GPR19: variants seen among roughly 807,000 people sequenced by gnomAD.
GPR19 encodes G protein-coupled receptor 19.
In GPR19, 14 loss-of-function variants were observed where a neutral mutation model predicts 28.5. The ratio of observed to expected loss-of-function variants is 0.49; its 90% confidence interval spans 0.32 to 0.77. The LOEUF (loss-of-function observed/expected upper bound fraction) is 0.77. GPR19 is among the 30% of genes least tolerant of loss of function. The probability of loss-of-function intolerance (pLI) is 0.03; values close to 1 mark genes in which losing one functional copy is unlikely to be tolerated. For synonymous variants in GPR19, 173 were observed against 184.1 expected (o/e 0.94, Z 0.49); for missense variants, 409 against 504.1 (o/e 0.81, Z 1.81).
the GPR19 span, among the ~76,000 whole-genome samples, chr12:12,706,870 A>G: frequency 6.6e-6 from 1 of 152,210 alleles, no homozygotes; most frequent in African/African-American, 2.4e-5. Flanking sequence ...ACTATAATAC[A>G]TGGTCTCCCT....
intron 2 of GPR19, among the ~76,000 whole-genome samples, chr12:12,690,722 T>C (rs1946167977): frequency 6.6e-6 from 1 of 152,178 alleles, no homozygotes; most frequent in Admixed American, 6.5e-5. Context: ...AGTGACCCAG[T>C]CTCTCAATGT....
chr12:12,713,660 G>T, the GPR19 span, among the ~76,000 whole-genome samples: 1 of 152,068 alleles, frequency 6.6e-6, no homozygotes, highest in Non-Finnish European at 1.5e-5. Flanking sequence ...AGCCTCCTGA[G>T]TAGCTGGGAT....
At chr12:12,667,680 C>T (rs962343121) in intron 3 of GPR19, among the ~76,000 whole-genome samples, 5 of 141,806 alleles carry the variant, frequency 3.5e-5, no homozygotes, top group Non-Finnish European at 3.0e-5. Flanking sequence ...GAGAGTGAGA[C>T]TCTGCATCTC....
At chr12:12,686,111 CTTG>C (rs1310549046) in intron 2 of GPR19, among the ~76,000 whole-genome samples, 2 of 152,160 alleles carry the variant, frequency 1.3e-5, no homozygotes, top group African/African-American at 2.4e-5. Context: ...TGGCATATAA[CTTG>C]TTGTTTCTAA....
chr12:12,706,309 C>T, the GPR19 span, among the ~76,000 whole-genome samples: 1 of 152,142 alleles, frequency 6.6e-6, no homozygotes. Context: ...CCTGGGTCAC[C>T]TCTCTCTTGG....
chr12:12,716,846 G>A, the GPR19 span: 8 of 981,524 alleles, frequency 8.2e-6, no homozygotes, highest in Non-Finnish European at 9.7e-6. Flanking sequence ...GCGGGGGGGC[G>A]CCCAGCCCCC....
the GPR19 span, chr12:12,716,707 AAAAG>A: frequency 3.3e-5 from 32 of 981,940 alleles, no homozygotes; most frequent in South Asian, 3.3e-4. Flanking sequence ...GCTAATTTCT[AAAAG>A]AAAGACGTTC....
intron 3 of GPR19, among the ~76,000 whole-genome samples, chr12:12,677,352 A>G (rs1409689323): frequency 6.6e-6 from 1 of 152,126 alleles, no homozygotes; most frequent in Admixed American, 6.5e-5. Context: ...GATTACAGGC[A>G]TGTGCACCAC....
At chr12:12,683,969 C>G (rs1420150246) in intron 3 of GPR19, 1 of 152,218 alleles carries the variant, frequency 6.6e-6, no homozygotes, top group Non-Finnish European at 1.5e-5. Context: ...CCAATAACCT[C>G]TGGGAACATG....
the GPR19 span, among the ~76,000 whole-genome samples, chr12:12,709,448 C>A: frequency 6.6e-6 from 1 of 152,126 alleles, no homozygotes; most frequent in East Asian, 1.9e-4. Context: ...AGATAGTGTC[C>A]TTTTGTTTTT....
chr12:12,662,279 T>C lies in GPR19; in HGVS notation c.170A>G (p.His57Arg), dbSNP rs1945688751. The C allele has an allele frequency of 6.2e-7, 1 of 1,614,048 alleles. No homozygotes were observed. Among genetic ancestry groups the C allele is most frequent in the Non-Finnish European group, 8.5e-7 (1 of 1,180,046 alleles). The change falls in exon 4 of 4, where the codon CAC becomes CGC. Residue 57 changes from histidine to arginine, a missense_variant. Transcript: ENST00000651487. ...CACTTCCCCGGGTTTCAGCACATAG[T>C]GAAGGTCTGTTTGGTTGCTCATCCA... ...HSWMSNQTDLHYVLKPGEVAT... is the reference protein window; with the variant it reads ...HSWMSNQTDLRYVLKPGEVAT...
Position 12,661,637 on chromosome 12 carries a change from T to C in GPR19, c.812A>G (p.Lys271Arg). ...GAGGAACATCTTGATAGTTTTCACTTTTGTCCGAGGGACAATGTTCATTGT... is the reference window on the plus strand; with the variant it reads ...GAGGAACATCTTGATAGTTTTCACTCTTGTCCGAGGGACAATGTTCATTGT... ...RRTMNIVPRT[K>R]VKTIKMFLIL... Residue 271 changes from lysine (K) to arginine (R), a missense_variant, in exon 4 of 4, where the codon AAA becomes AGA. Lys to Arg is a conservative substitution (Grantham distance 26, BLOSUM62 2). Transcript: ENST00000651487. This position sits in a 1 kb window ranked among gnomAD's most constrained non-coding sequence, Gnocchi z 4.2. 1.2e-6 allele frequency: 2 copies of C among 1,614,016 alleles called. No individual in the cohort carries two copies. The highest frequency in any genetic ancestry group is 1.7e-4 in the Middle Eastern group (1 of 6,060).
the GPR19 span, among the ~76,000 whole-genome samples, chr12:12,716,345 GC>G: frequency 6.6e-6 from 1 of 152,230 alleles, no homozygotes; most frequent in African/African-American, 2.4e-5. Context: ...GTTTGTTGGA[GC>G]AGTGAAATCT....
chr12:12,695,716 G>T (rs1477453562), intron 1 of GPR19, among the ~76,000 whole-genome samples: 1 of 152,034 alleles, frequency 6.6e-6, no homozygotes, highest in Non-Finnish European at 1.5e-5. Flanking sequence ...TGCCATTTCT[G>T]CCTGTTTACA....
intron 3 of GPR19, among the ~76,000 whole-genome samples, chr12:12,667,852 A>C (rs1160881585): frequency 6.6e-6 from 1 of 152,124 alleles, no homozygotes; most frequent in East Asian, 1.9e-4. Flanking sequence ...GAGGATAAGG[A>C]CTATGTCTTT....
chr12:12,664,074 A>T (rs7962288), intron 3 of GPR19, among the ~76,000 whole-genome samples: 1 of 151,664 alleles, frequency 6.6e-6, no homozygotes, highest in African/African-American at 2.4e-5. Flanking sequence ...GCTCAATGCA[A>T]CCTCCCCCTC....
At chr12:12,690,027 C>T (rs1385758816) in intron 2 of GPR19, among the ~76,000 whole-genome samples, 2 of 152,194 alleles carry the variant, frequency 1.3e-5, no homozygotes. Flanking sequence ...TGTGAGAGAC[C>T]CGAAGCCAGA....
chr12:12,683,534 T>C (rs1323430224), intron 3 of GPR19, among the ~76,000 whole-genome samples: 1 of 152,242 alleles, frequency 6.6e-6, no homozygotes, highest in Non-Finnish European at 1.5e-5. Flanking sequence ...TGTGCCTCTG[T>C]TTCTTCATCT....
At chr12:12,685,566 T>A (rs1946084536) in intron 2 of GPR19, among the ~76,000 whole-genome samples, 1 of 152,148 alleles carries the variant, frequency 6.6e-6, no homozygotes, top group Non-Finnish European at 1.5e-5. Flanking sequence ...CATGGGAGCC[T>A]GCTGACTAAA....
Sources: gnomAD v4.1 joint callset for allele counts (sites outside exome capture counted in the v4.1 genomes callset) on GRCh38, gnomAD v4.1.1 for gene constraint, Gnocchi (gnomAD v3.1) non-coding constraint, MANE v1.5 for transcripts, NCBI Gene and HGNC (gene_info 2026-07-23, HGNC 2026-07-21) for gene names.